OSBP2: variants seen among roughly 807,000 people sequenced by gnomAD.
The protein encoded by OSBP2 is oxysterol-binding protein 2.
Under a neutral mutation model 96.0 loss-of-function variants are expected in OSBP2, and 66 were observed. That is an observed-to-expected ratio of 0.69 (90% CI 0.56 to 0.84). The LOEUF is 0.84. OSBP2 is among the 40% of genes least tolerant of loss of function. The probability of loss-of-function intolerance (pLI) is 0.00; values close to 1 mark genes in which losing one functional copy is unlikely to be tolerated. For synonymous variants in OSBP2, 525 were observed against 520.9 expected, an observed-to-expected ratio of 1.01 and a Z score of -0.11; for missense variants, 1,038 against 1,222.7, an observed-to-expected ratio of 0.85 and a Z score of 2.25.
At chr22:30,705,235 G>A (rs1227208430) in intron 1 of OSBP2, among the ~76,000 whole-genome samples, 6 of 152,152 alleles carry the variant, frequency 3.9e-5, no homozygotes, top group Non-Finnish European at 5.9e-5. Flanking sequence ...GTTTTTGCAA[G>A]TGACTGGGGT....
intron 1 of OSBP2, among the ~76,000 whole-genome samples, chr22:30,727,420 G>A (rs1390482266): frequency 6.6e-6 from 1 of 152,096 alleles, no homozygotes; most frequent in Non-Finnish European, 1.5e-5. Context: ...AAGCAGAAAA[G>A]CTCATATATA....
chr22:30,824,557 G>C (rs747195693), intron 2 of OSBP2, among the ~76,000 whole-genome samples: 6 of 152,128 alleles, frequency 3.9e-5, no homozygotes, highest in Non-Finnish European at 8.8e-5. Flanking sequence ...AGCCTAGTTA[G>C]GGGTCAGCTT....
At position 30,695,288 on chromosome 22, in the gene OSBP2, C is replaced by G. The variant is rs1233238072; in HGVS notation, c.379C>G (p.Leu127Val). The G allele has an allele frequency of 1.2e-6, 2 of 1,613,456 alleles. No individual in the cohort carries two copies. Among genetic ancestry groups the G allele is most frequent in the South Asian group, 2.2e-5 (2 of 91,082 alleles). The change falls in exon 1 of 14, where the codon CTC becomes GTC. Residue 127 changes from leucine (L) to valine (V), a missense_variant. Around this residue, in one of 3 missense-constraint regions of OSBP2, gnomAD observed 281 missense variants for 273.4 expected, o/e 1.03. Coordinates refer to ENST00000332585, the MANE Select transcript of OSBP2 (RefSeq NM_030758.4). The part of the protein sequence containing the change: ...GPFTKAASEP[L>V]SRAVGSATFL... The stretch of plus-strand genomic sequence containing the variant: ...CTTCACTAAGGCCGCATCGGAGCCG[C>G]TCTCCCGGGCGGTGGGGAGCGCGAC...
At chr22:30,754,554 G>A (rs2090118209) in intron 2 of OSBP2, among the ~76,000 whole-genome samples, 1 of 152,168 alleles carries the variant, frequency 6.6e-6, no homozygotes, top group African/African-American at 2.4e-5. Context: ...CTGGGGTGGA[G>A]TAGGCACCTC....
chr22:30,801,294 T>C (rs953771377), intron 2 of OSBP2, among the ~76,000 whole-genome samples: 5 of 152,200 alleles, frequency 3.3e-5, no homozygotes, highest in African/African-American at 1.2e-4. Flanking sequence ...AAAAATAAGC[T>C]CTTGGAAGTA....
At chr22:30,730,774 C>CTCTCTCTATATATA (rs1569100458) in intron 1 of OSBP2, among the ~76,000 whole-genome samples, 3 of 13,840 alleles carry the variant, frequency 2.2e-4, no homozygotes, top group African/African-American at 2.9e-4. Flanking sequence ...CTCTCTCTCT[C>CTCTCTCTATATATA]TATATATATA....
At chr22:30,812,875 T>C (rs559341664) in intron 2 of OSBP2, among the ~76,000 whole-genome samples, 1 of 152,220 alleles carries the variant, frequency 6.6e-6, no homozygotes, top group Non-Finnish European at 1.5e-5. Context: ...TCTACTCTTA[T>C]CTGTTTATTT....
In OSBP2 at chr22:30,694,945, C is replaced by T. The variant is rs1310661508; in HGVS notation, c.36C>T (p.Gly12=). The T allele has an allele frequency of 1.4e-6, 2 of 1,472,480 alleles. No homozygotes were observed. The highest frequency in any genetic ancestry group is 1.8e-6 in the Non-Finnish European group (2 of 1,120,476). 91.2% of individuals were successfully genotyped at this position (1,472,480 alleles called of 1,614,324 possible). ...CGGCGGCTCCGAGCCGAGGCGGCGG[C>T]TGTGGCGGCCGCTCCCGCGGGCTCT... ...GKAAAPSRGG[G]CGGRSRGLSS... The change falls in exon 1 of 14, where the codon GGC becomes GGT. Residue 12 remains glycine (G), a synonymous_variant. Transcript: ENST00000332585.
At chr22:30,839,931 G>C (rs574907580) in intron 2 of OSBP2, among the ~76,000 whole-genome samples, 2,768 of 152,128 alleles carry the variant, frequency 0.018, 75 homozygotes, top group African/African-American at 0.06. Flanking sequence ...CCTATGTCCT[G>C]AATGGTATTG....
intron 2 of OSBP2, among the ~76,000 whole-genome samples, chr22:30,842,220 A>C (rs534977909): frequency 8.5e-4 from 130 of 152,324 alleles, no homozygotes; most frequent in Middle Eastern, 6.8e-3. Flanking sequence ...GCTGCAGTGA[A>C]CTATGAATGC....
At chr22:30,739,167 A>C (rs2089899090) in intron 1 of OSBP2, among the ~76,000 whole-genome samples, 1 of 152,192 alleles carries the variant, frequency 6.6e-6, no homozygotes, top group Non-Finnish European at 1.5e-5. Flanking sequence ...TGTAATTGGA[A>C]ATGGCATACA....
In OSBP2 at chr22:30,887,736, G is replaced by A. The variant is rs913519101; in HGVS notation, c.1300+118G>A. The A allele has an allele frequency of 5.9e-6, 5 of 844,532 alleles. No homozygotes were observed. The African/African-American group carries it at 8.5e-5, about 14-fold the overall frequency. 52.3% of individuals were successfully genotyped at this position (844,532 alleles called of 1,614,324 possible). ...CTGTGCCCACATGTGGGCTGGCCTT[G>A]GCCAACTCTTGACTGCCTCTTCGTG... On this transcript the variant is annotated intron_variant, in intron 4 of 13. Transcript: ENST00000332585.
At chr22:30,853,744 A>G (rs538061478) in intron 2 of OSBP2, among the ~76,000 whole-genome samples, 2 of 149,840 alleles carry the variant, frequency 1.3e-5, no homozygotes, top group Non-Finnish European at 3.0e-5. Flanking sequence ...CTACTAGCTC[A>G]TAAGCTATTC....
intron 12 of OSBP2, chr22:30,902,387 G>T: frequency 6.4e-7 from 1 of 1,572,158 alleles, no homozygotes; most frequent in Admixed American, 1.7e-5. Flanking sequence ...TTCCCTTAAG[G>T]AAGCTTGACA....
chr22:30,893,061 G>T (rs938905193), intron 8 of OSBP2, 61 bp from the exon 9 acceptor site: 10 of 1,597,044 alleles, frequency 6.3e-6, no homozygotes, highest in Non-Finnish European at 1.7e-6. Context: ...TCCCTGGCTG[G>T]GGCAAGTGGA....
intron 2 of OSBP2, among the ~76,000 whole-genome samples, chr22:30,778,389 A>G (rs1047792006): frequency 6.6e-6 from 1 of 151,564 alleles, no homozygotes; most frequent in Non-Finnish European, 1.5e-5. Context: ...GCATTCCAGC[A>G]TCAGCATGCT....
intron 2 of OSBP2, among the ~76,000 whole-genome samples, chr22:30,786,644 T>C (rs188003755): frequency 7.1e-6 from 1 of 141,562 alleles, no homozygotes; most frequent in East Asian, 2.2e-4. Flanking sequence ...CAATTGAAAA[T>C]GAGGCCCAGA....
chr22:30,882,748 AT>A (rs1489722089), intron 3 of OSBP2, among the ~76,000 whole-genome samples: 3 of 152,222 alleles, frequency 2.0e-5, no homozygotes, highest in Non-Finnish European at 4.4e-5. Flanking sequence ...ATGAGAGGCT[AT>A]CAGCTGCCCG....
chr22:30,804,376 C>T (rs932533697), intron 2 of OSBP2, among the ~76,000 whole-genome samples: 8 of 152,162 alleles, frequency 5.3e-5, no homozygotes, highest in Non-Finnish European at 1.5e-5. Flanking sequence ...TGTTTTGTTC[C>T]GTCTATCTAG....
Sources: gnomAD v4.1 joint callset for allele counts (sites outside exome capture counted in the v4.1 genomes callset) on GRCh38, gnomAD v4.1.1 for gene constraint, gnomAD v4.1.1 regional missense constraint, MANE v1.5 for transcripts, NCBI Gene and HGNC (gene_info 2026-07-23, HGNC 2026-07-21) for gene names.